Variants in ITLN2 observed in about 807,000 individuals in gnomAD.
The protein encoded by ITLN2 is intelectin-2.
In ITLN2, 29 loss-of-function variants were observed where a neutral mutation model predicts 39.4. The observed-to-expected ratio is 0.74, with a 90% confidence interval of 0.55 to 1.00. The LOEUF (loss-of-function observed/expected upper bound fraction) is 1.00. ITLN2 is among the 50% of genes least tolerant of loss of function. The pLI is 0.00. For missense variants in ITLN2, 412 were observed against 416.7 expected, an observed-to-expected ratio of 0.99 and a Z score of 0.10; for synonymous variants, 156 against 153.4, an observed-to-expected ratio of 1.02 and a Z score of -0.12.
chr1:160,951,944 A>C lies in ITLN2; in HGVS notation c.194-654T>G, dbSNP rs559012239. On this transcript the variant is annotated intron_variant, in intron 3 of 7. Transcript: ENST00000368029. ...TGTCATCATCTCCTGGGTTCTGAAG[A>C]GGTATGAGGCTTTTTGCCTCACTCA... Among the ~76,000 whole-genome samples the C allele has an allele frequency of 7.9e-4, 120 of 152,258 alleles. 1 individual carries two copies. Among genetic ancestry groups the C allele is most frequent in the African/African-American group, 2.8e-3 (118 of 41,548 alleles).
At chr1:160,945,726 G>A (rs1306156269) in intron 7 of ITLN2, among the ~76,000 whole-genome samples, 1 of 152,142 alleles carries the variant, frequency 6.6e-6, no homozygotes, top group African/African-American at 2.4e-5. Flanking sequence ...CTGTCAGTTG[G>A]GGAGGGAAGG....
intron 2 of ITLN2, among the ~76,000 whole-genome samples, chr1:160,953,913 C>A (rs1339027978): frequency 6.6e-6 from 1 of 151,906 alleles, no homozygotes; most frequent in African/African-American, 2.4e-5. Flanking sequence ...AAACAATAAA[C>A]CCAGTATCAA....
intron 7 of ITLN2, among the ~76,000 whole-genome samples, chr1:160,945,970 C>G (rs1470161134): frequency 7.2e-5 from 11 of 152,140 alleles, no homozygotes; most frequent in African/African-American, 2.7e-4. Flanking sequence ...ATTAAAAGTA[C>G]TAACCATAAA....
chr1:160,945,176 C>T lies in ITLN2; in HGVS notation c.942G>A (p.Glu314=). 6.2e-7 allele frequency: 1 copy of T among 1,606,522 alleles called. No homozygotes were observed. The highest frequency in any genetic ancestry group is 8.5e-7 in the Non-Finnish European group (1 of 1,178,084). Residue 314 remains glutamate, a synonymous_variant, in exon 8 of 8, where the codon GAG becomes GAA. Coordinates refer to ENST00000368029, the MANE Select transcript of ITLN2 (RefSeq NM_080878.3). ...GTHVKSSCSR[E]ITEAAVLLFY... ...ACAAGAGTACAGCCGCCTCCGTTAT[C>T]TCCCGACTGCAGCTGCTCTTAACGT...
chr1:160,953,643 G>C (rs551879986), intron 2 of ITLN2, among the ~76,000 whole-genome samples: 1 of 151,894 alleles, frequency 6.6e-6, no homozygotes, highest in Admixed American at 6.6e-5. Flanking sequence ...CCCAGGAGAC[G>C]GAGGTTGCAG....
chr1:160,950,574 A>G lies in ITLN2; in HGVS notation c.579T>C (p.His193=). 1 of 1,614,126 alleles carries G rather than the reference A, an allele frequency of 6.2e-7. No individual in the cohort carries two copies. The highest frequency in any genetic ancestry group is 8.5e-7 in the Non-Finnish European group (1 of 1,179,988). ...GTACCTGGTAGATGCCAAACAGATTATGTCCCAGTCTCTGGAGGAAGCCAG... is the reference window on the plus strand; with the variant it reads ...GTACCTGGTAGATGCCAAACAGATTGTGTCCCAGTCTCTGGAGGAAGCCAG... ...TNTGFLQRLG[H]NLFGIYQKYP... Residue 193 remains histidine (H), a synonymous_variant, in exon 5 of 8, where the codon CAT becomes CAC. Transcript: ENST00000368029.
At position 160,949,883 on chromosome 1, in the gene ITLN2, A is replaced by C. The variant is rs1031178009; in HGVS notation, c.721+163T>G. The C allele has an allele frequency of 3.8e-5, 24 of 634,882 alleles. No individual in the cohort carries two copies. In the African/African-American group the frequency reaches 4.2e-4, roughly 11 times the overall value. The allele number at this position is 634,882 out of a possible 1,614,324, so 39.3% of individuals were successfully genotyped here. ...GCAATTCTAACTTCATAGTTTTCTC[A>C]TGGTAATTAAATGACACAAAATCAT... On this transcript the variant is annotated intron_variant, in intron 6 of 7. Transcript: ENST00000368029.
At chr1:160,952,154 T>C (rs914538699) in intron 3 of ITLN2, among the ~76,000 whole-genome samples, 3 of 152,238 alleles carry the variant, frequency 2.0e-5, no homozygotes, top group South Asian at 2.1e-4. Flanking sequence ...ATAAACTCTC[T>C]GGCTCTAAAA....
Position 160,950,141 on chromosome 1 carries a change from C to T in ITLN2, c.626G>A (p.Gly209Glu), listed in dbSNP as rs371239740. The T allele has an allele frequency of 8.2e-5, 132 of 1,613,766 alleles. No homozygotes were observed. Among genetic ancestry groups the T allele is most frequent in the Middle Eastern group, 1.6e-4 (1 of 6,082 alleles). The stretch of plus-strand genomic sequence containing the variant: ...TGGGCCATTGTCATTCCAACATTTC[C>T]CTGATCTGTATTTCACTGGGTATTT... ...YQKYPVKYRSGKCWNDNGPAI... is the reference protein window; with the variant it reads ...YQKYPVKYRSEKCWNDNGPAI... Residue 209 changes from glycine to glutamate, a missense_variant, in exon 6 of 8, where the codon GGG becomes GAG. Physicochemically the swap from Gly to Glu is moderately conservative, Grantham distance 98 (BLOSUM62 -2). Transcript: ENST00000368029.
rs563265567 is a variant in ITLN2, at chr1:160,951,450, T to C, written c.194-160A>G. ...CCATGCATCTTGTGTTCTGCTCACC[T>C]ATGAGCAGAGGCACTGACTGTCTTG... On this transcript the variant is annotated intron_variant, in intron 3 of 7. Transcript: ENST00000368029. 47 of 887,488 alleles carry C rather than the reference T, an allele frequency of 5.3e-5. No individual in the cohort carries two copies. In the East Asian group the frequency reaches 1.2e-3, roughly 23 times the overall value. The allele number at this position is 887,488 out of a possible 1,614,324, so 55.0% of individuals were successfully genotyped here.
intron 7 of ITLN2, among the ~76,000 whole-genome samples, chr1:160,945,565 A>G (rs549812296): frequency 7.9e-5 from 12 of 152,312 alleles, no homozygotes; most frequent in East Asian, 5.8e-4. Flanking sequence ...GCATAAAGAC[A>G]TATACTCTAG....
chr1:160,951,017 C>T (rs1557874474), intron 4 of ITLN2, 26 bp downstream of exon 4: 2 of 1,614,226 alleles, frequency 1.2e-6, no homozygotes, highest in Non-Finnish European at 1.7e-6. Flanking sequence ...TCACCCTCAC[C>T]CAAGTAGGAG....
chr1:160,952,869 G>A, intron 2 of ITLN2, 136 bp from the exon 3 acceptor site: 1 of 634,688 alleles, frequency 1.6e-6, no homozygotes, highest in South Asian at 1.9e-5. Context: ...TGCTAAGACG[G>A]TCTGATCCAA....
intron 6 of ITLN2, 86 bp from the exon 7 acceptor site, chr1:160,948,118 A>G (rs958303635): frequency 3.7e-6 from 4 of 1,075,060 alleles, no homozygotes; most frequent in African/African-American, 3.1e-5. Flanking sequence ...GGGATTCCCT[A>G]AGCCAAAAGC....
chr1:160,946,494 G>A (rs1055954644), intron 7 of ITLN2, among the ~76,000 whole-genome samples: 1 of 151,890 alleles, frequency 6.6e-6, no homozygotes, highest in African/African-American at 2.4e-5. Flanking sequence ...GGCGGATCAC[G>A]AGGTCAGGAG....
At position 160,950,706 on chromosome 1, in the gene ITLN2, AG is replaced by A; in HGVS notation, c.446del (p.Pro149LeufsTer31). 1 of 1,612,184 alleles carries A rather than the reference AG, an allele frequency of 6.2e-7. No homozygotes were observed. Among genetic ancestry groups the A allele is most frequent in the Non-Finnish European group, 8.5e-7 (1 of 1,178,964 alleles). On this transcript the variant is annotated frameshift_variant, in exon 5 of 8. Transcript: ENST00000368029. LOFTEE classifies it high-confidence loss of function. ...EAATSDDYKN[P>X]GYYDIQAKDL... ...CCTTGGCCTGGATGTCGTAGTAGCC[AG>A]GGTTCTGGAAAGCAACAGACACTGA...
In ITLN2 at chr1:160,951,307, C is replaced by T; in HGVS notation, c.194-17G>A. 1 of 1,551,758 alleles carries T rather than the reference C, an allele frequency of 6.4e-7. No individual in the cohort carries two copies. The highest frequency in any genetic ancestry group is 8.7e-7 in the Non-Finnish European group (1 of 1,147,386). ...ACAGGCCATCTGTAGAGAGAACCAG[C>T]CCAGAGCCTCCCTGTCTGAGAGCTC... On this transcript the variant is annotated splice_polypyrimidine_tract_variant and intron_variant, in intron 3 of 7. Transcript: ENST00000368029.
chr1:160,951,782 C>G (rs937491811), intron 3 of ITLN2, among the ~76,000 whole-genome samples: 4 of 152,204 alleles, frequency 2.6e-5, no homozygotes, highest in Non-Finnish European at 4.4e-5. Context: ...GGACAGCTGA[C>G]CTAAGTCTTG....
rs1031178009 is a variant in ITLN2, at chr1:160,949,883, A to G, written c.721+163T>C. 5 of 635,000 alleles carry G rather than the reference A, an allele frequency of 7.9e-6. No homozygotes were observed. The East Asian group carries it at 1.4e-4, about 17-fold the overall frequency. 39.3% of individuals were successfully genotyped at this position (635,000 alleles called of 1,614,324 possible). On this transcript the variant is annotated intron_variant, in intron 6 of 7. Transcript: ENST00000368029. ...GCAATTCTAACTTCATAGTTTTCTC[A>G]TGGTAATTAAATGACACAAAATCAT...
Sources: gnomAD v4.1 joint callset for allele counts (sites outside exome capture counted in the v4.1 genomes callset) on GRCh38, gnomAD v4.1.1 for gene constraint, MANE v1.5 for transcripts, NCBI Gene and HGNC (gene_info 2026-07-23, HGNC 2026-07-21) for gene names.